Variants in ATPAF2 observed in about 807,000 individuals in gnomAD.
The protein encoded by ATPAF2 is ATP12 homolog.
In ATPAF2, 30 loss-of-function variants were observed where a neutral mutation model predicts 36.6. The ratio of observed to expected loss-of-function variants is 0.82; its 90% CI spans 0.61 to 1.11. The LOEUF (loss-of-function observed/expected upper bound fraction) is 1.11. Among genes scored for constraint, ATPAF2 ranks in the 50% most tolerant of loss-of-function variants. ATPAF2 has a pLI of 0.00. For synonymous variants in ATPAF2, 140 were observed against 152.6 expected (o/e 0.92, Z 0.61); for missense variants, 321 against 372.3 (o/e 0.86, Z 1.13).
intron 6 of ATPAF2, 92 bp downstream of exon 6, chr17:18,021,653 A>G: frequency 9.0e-7 from 1 of 1,113,960 alleles, no homozygotes; most frequent in Non-Finnish European, 1.4e-6. Context: ...GTGCCTCTCC[A>G]CTCACAGGAC....
Position 18,018,484 on chromosome 17 carries a change from C to A in ATPAF2, c.*65G>T. ...GAAGCCAGCCCCACAGGCTGGGGAG[C>A]CCTGAAGGCCGGGGGAGCTGTGGCT... On this transcript the variant is annotated 3_prime_UTR_variant, in exon 8 of 8. Coordinates refer to ENST00000474627, the MANE Select transcript of ATPAF2 (RefSeq NM_145691.4). 1.2e-6 allele frequency: 2 copies of A among 1,603,768 alleles called. No homozygotes were observed. Among genetic ancestry groups the A allele is most frequent in the East Asian group, 4.5e-5 (2 of 44,862 alleles).
At chr17:18,019,753 G>A (rs913256801) in intron 7 of ATPAF2, among the ~76,000 whole-genome samples, 9 of 152,256 alleles carry the variant, frequency 5.9e-5, no homozygotes, top group Admixed American at 2.6e-4. Context: ...CAAGCTATTT[G>A]AACTTCTGGG....
At position 18,022,671 on chromosome 17, in the gene ATPAF2, C is replaced by T. The variant is rs1469738641; in HGVS notation, c.504-814G>A. On this transcript the variant is annotated intron_variant, in intron 5 of 7. Transcript: ENST00000474627. ...AGGCTGAAGTGCAGTGGCATGATCTCGGCTCACTGCGACCTCCGCCTCCTG... is the reference window on the plus strand; with the variant it reads ...AGGCTGAAGTGCAGTGGCATGATCTTGGCTCACTGCGACCTCCGCCTCCTG... Among the ~76,000 whole-genome samples the T allele has an allele frequency of 3.4e-5, 5 of 146,452 alleles. 1 individual carries two copies. The highest frequency in any genetic ancestry group is 4.0e-4 in the East Asian group (2 of 5,008).
intron 6 of ATPAF2, 119 bp from the exon 7 acceptor site, chr17:18,021,357 G>T (rs1041457456): frequency 1.3e-6 from 1 of 795,898 alleles, no homozygotes; most frequent in Non-Finnish European, 2.2e-6. Context: ...GCCATCCAGC[G>T]ATTGTCCCAC....
chr17:18,026,150 A>C lies in ATPAF2; in HGVS notation c.422+169T>G, dbSNP rs572495850. ...GTTCTGACACCATTGTAGCCCGAGG[A>C]GTCCTCCTCCTAAGGGGCTACAGAG... On this transcript the variant is annotated intron_variant, in intron 4 of 7. Coordinates refer to ENST00000474627, the MANE Select transcript of ATPAF2 (RefSeq NM_145691.4). 2.1e-5 allele frequency: 15 copies of C among 707,066 alleles called. No individual in the cohort carries two copies. The African/African-American group carries it at 2.6e-4, about 12-fold the overall frequency. The allele number at this position is 707,066 out of a possible 1,614,324, so 43.8% of individuals were successfully genotyped here.
Position 18,036,247 on chromosome 17 carries a change from T to C in ATPAF2, c.133+2634A>G, listed in dbSNP as rs113187121. On this transcript the variant is annotated intron_variant, in intron 1 of 7. Transcript: ENST00000474627. ...TTCTACTACTTCAAATACGCACAAA[T>C]ATCTCACAACTGGTAAGGTCTTTAG... Among the ~76,000 whole-genome samples, 728 of 152,080 alleles carry C rather than the reference T, an allele frequency of 4.8e-3. 6 individuals are homozygous for C. The highest frequency in any genetic ancestry group is 0.017 in the African/African-American group (703 of 41,458).
intron 1 of ATPAF2, among the ~76,000 whole-genome samples, chr17:18,037,794 T>C (rs1025614696): frequency 6.6e-6 from 1 of 152,208 alleles, no homozygotes; most frequent in Non-Finnish European, 1.5e-5. Flanking sequence ...TTCTGGATTT[T>C]CTAAAACAGG....
chr17:18,028,016 C>A (rs2044572614), intron 3 of ATPAF2: 20 of 601,332 alleles, frequency 3.3e-5, no homozygotes, highest in Non-Finnish European at 3.0e-6. Context: ...GAGAAACCAG[C>A]CATCCAGCAC....
intron 6 of ATPAF2, 36 bp from the exon 7 acceptor site, chr17:18,021,274 G>A: frequency 6.4e-7 from 1 of 1,554,162 alleles, no homozygotes; most frequent in Non-Finnish European, 8.8e-7. Flanking sequence ...ACCCAAAACA[G>A]GGCAGCTGCC....
Position 18,024,681 on chromosome 17 carries a change from G to A in ATPAF2, c.446C>T (p.Thr149Ile). The part of the protein sequence containing the change: ...TICYRVEEPE[T>I]LVELQRNEWD... The stretch of plus-strand genomic sequence containing the variant: ...CTCATTCCTTTGAAGTTCCACTAAT[G>A]TCTCGGGCTCCTCCACCCTGTAGCT... The change falls in exon 5 of 8, where the codon ACA (threonine) becomes ATA (isoleucine). Residue 149 changes from threonine to isoleucine, a missense_variant. Physicochemically the swap from Thr to Ile is moderately conservative, Grantham distance 89. This residue lies in a region of ATPAF2 where 199 missense variants were observed against 220.6 expected (regional missense o/e 0.90). Transcript: ENST00000474627. 1 of 1,613,914 alleles carries A rather than the reference G, an allele frequency of 6.2e-7. No individual in the cohort carries two copies. Among genetic ancestry groups the A allele is most frequent in the Non-Finnish European group, 8.5e-7 (1 of 1,179,860 alleles).
At chr17:18,026,204 C>T in intron 4 of ATPAF2, 115 bp downstream of exon 4, 1 of 1,062,644 alleles carries the variant, frequency 9.4e-7, no homozygotes, top group Non-Finnish European at 1.5e-6. Flanking sequence ...AAGTGGGCCA[C>T]CTTCCTTGTC....
Position 18,018,488 on chromosome 17 carries a change from G to C in ATPAF2, c.*61C>G. ...CCAGCCCCACAGGCTGGGGAGCCCT[G>C]AAGGCCGGGGGAGCTGTGGCTGCAC... On this transcript the variant is annotated 3_prime_UTR_variant, in exon 8 of 8. Coordinates refer to ENST00000474627, the MANE Select transcript of ATPAF2 (RefSeq NM_145691.4). 2.5e-6 allele frequency: 4 copies of C among 1,605,688 alleles called. No individual in the cohort carries two copies. In the South Asian group the frequency reaches 4.4e-5, roughly 18 times the overall value.
chr17:18,015,854 CACA>C, downstream of ATPAF2: 1 of 540,060 alleles, frequency 1.9e-6, no homozygotes. Context: ...GCCCTTTCCC[CACA>C]ACACCTGCCC....
rs566940529 is a variant in ATPAF2, at chr17:18,032,251, G to A, written c.134-3592C>T. Among the ~76,000 whole-genome samples the A allele has an allele frequency of 5.3e-5, 8 of 152,350 alleles. No homozygotes were observed. In the East Asian group the frequency reaches 5.8e-4, roughly 11 times the overall value. On this transcript the variant is annotated intron_variant, in intron 1 of 7. Transcript: ENST00000474627. ...TGAACCCAAGAGACCTGGGGCAGAC[G>A]AACAGACTCAAGGCAGGAACTGCCA...
At position 18,018,671 on chromosome 17, in the gene ATPAF2, T is replaced by A. The variant is rs747343128; in HGVS notation, c.748A>T (p.Asn250Tyr). The A allele has an allele frequency of 1.9e-6, 3 of 1,613,910 alleles. No individual in the cohort carries two copies. The African/African-American group carries it at 4.0e-5, about 22-fold the overall frequency. Residue 250 changes from asparagine (N) to tyrosine (Y), a missense_variant, in exon 8 of 8, where the codon AAC becomes TAC. Physicochemically the swap from Asn to Tyr is moderately radical, Grantham distance 143. Transcript: ENST00000474627. ...TCATAGTCATGGGCCCACTCAATGT[T>A]GCCCCACTTCTGGATCTGAGGGAAG... Reference protein sequence around the residue: ...EEEYQIQKWGNIEWAHDYELQ... With the variant: ...EEEYQIQKWGYIEWAHDYELQ...
At chr17:18,021,031 A>C (rs2145486646) in intron 7 of ATPAF2, 92 bp downstream of exon 7, 1 of 1,512,452 alleles carries the variant, frequency 6.6e-7, no homozygotes, top group African/African-American at 1.4e-5. Context: ...AAAGCCAAGT[A>C]TGCATAACTA....
chr17:18,038,983 C>G lies in ATPAF2; in HGVS notation c.31G>C (p.Gly11Arg). MWRSCLRLRD[G>R]GRRLLNRPAG... ...GGCCGATTCAGGAGACGGCGTCCCC[C>G]GTCCCGCAGCCGGAGGCAGCTCCTC... Residue 11 changes from glycine to arginine, a missense_variant, in exon 1 of 8, where the codon GGG becomes CGG. By Grantham distance (125) the Gly-to-Arg change is moderately radical. This residue lies in a region of ATPAF2 where 69 missense variants were observed against 60.1 expected (regional missense o/e 1.15). Transcript: ENST00000474627. The G allele has an allele frequency of 6.2e-7, 1 of 1,611,720 alleles. No homozygotes were observed. Among genetic ancestry groups the G allele is most frequent in the Admixed American group, 1.7e-5 (1 of 59,594 alleles).
chr17:18,038,925 C>T lies in ATPAF2; in HGVS notation c.89G>A (p.Gly30Glu). ...CCGGGCTGGAGACGGGATGGTTGGC[C>T]CCGGACTCATAGAAGCGCTGGGGCC... is the stretch of plus-strand genomic sequence containing the variant. ...AGGPSASMSPGPTIPSPARAY... is the reference protein window; with the variant it reads ...AGGPSASMSPEPTIPSPARAY... The change falls in exon 1 of 8, where the codon GGG (glycine) becomes GAG (glutamate). Residue 30 changes from glycine (G) to glutamate (E), a missense_variant. Around this residue, in one of 3 missense-constraint regions of ATPAF2, gnomAD observed 69 missense variants for 60.1 expected, o/e 1.15. Coordinates refer to ENST00000474627, the MANE Select transcript of ATPAF2 (RefSeq NM_145691.4). The T allele has an allele frequency of 6.2e-7, 1 of 1,613,974 alleles. No homozygotes were observed. Among genetic ancestry groups the T allele is most frequent in the East Asian group, 2.2e-5 (1 of 44,882 alleles).
At chr17:18,036,502 G>A (rs868290971) in intron 1 of ATPAF2, among the ~76,000 whole-genome samples, 11 of 151,860 alleles carry the variant, frequency 7.2e-5, no homozygotes, top group African/African-American at 2.7e-4. Context: ...CGTGAACCCG[G>A]GAGGCGGAGC....
Sources: gnomAD v4.1 joint callset for allele counts (sites outside exome capture counted in the v4.1 genomes callset) on GRCh38, gnomAD v4.1.1 for gene constraint, gnomAD v4.1.1 regional missense constraint, MANE v1.5 for transcripts, NCBI Gene and HGNC (gene_info 2026-07-23, HGNC 2026-07-21) for gene names.